The following MARCHF10 variants were observed in gnomAD, a reference collection of about 807,000 sequenced individuals.
MARCHF10 encodes the protein membrane associated ring-CH-type finger 10.
Under a neutral mutation model 76.2 loss-of-function variants are expected in MARCHF10, and 64 were observed. The ratio of observed to expected loss-of-function variants is 0.84; its 90% CI spans 0.69 to 1.03. The LOEUF (loss-of-function observed/expected upper bound fraction) is 1.03, where lower values mean the gene tolerates loss of function less well. Ranked by LOEUF, MARCHF10 falls within the 50% of genes least tolerant of loss-of-function variation. The pLI is 0.00. For synonymous variants in MARCHF10, 340 were observed against 357.5 expected, an observed-to-expected ratio of 0.95 and a Z score of 0.55; for missense variants, 875 against 958.0, an observed-to-expected ratio of 0.91 and a Z score of 1.14.
chr17:62,803,808 G>C (rs1051123152), intron 1 of MARCHF10, among the ~76,000 whole-genome samples: 1 of 152,108 alleles, frequency 6.6e-6, no homozygotes, highest in South Asian at 2.1e-4. Context: ...AAGCTACTGC[G>C]CCCGGCCCAT....
intron 9 of MARCHF10, among the ~76,000 whole-genome samples, chr17:62,710,677 A>G (rs113370915): frequency 3.3e-5 from 5 of 150,538 alleles, no homozygotes; most frequent in Non-Finnish European, 4.4e-5. Context: ...TCCTGCCTCA[A>G]CCTCCCAAGT....
intron 5 of MARCHF10, among the ~76,000 whole-genome samples, chr17:62,739,555 A>T (rs1264005066): frequency 4.6e-5 from 7 of 151,762 alleles, no homozygotes; most frequent in African/African-American, 1.7e-4. Flanking sequence ...CTAATTTTGT[A>T]TTTTTAGTAG....
chr17:62,782,933 C>T (rs924262709), intron 3 of MARCHF10, among the ~76,000 whole-genome samples: 1 of 152,078 alleles, frequency 6.6e-6, no homozygotes. Flanking sequence ...TCCAGTATCC[C>T]CCAAAGAATA....
chr17:62,741,015 A>G (rs2091485246), intron 5 of MARCHF10, among the ~76,000 whole-genome samples: 1 of 152,200 alleles, frequency 6.6e-6, no homozygotes, highest in African/African-American at 2.4e-5. Flanking sequence ...CCCGTTATGC[A>G]TCTGTCCTGC....
At position 62,788,533 on chromosome 17, in the gene MARCHF10, G is replaced by A. The variant is rs201414224; in HGVS notation, c.157C>T (p.Gln53Ter). ...NEKKRDQFWG[Q>*]ETSFERSRFS... The stretch of plus-strand genomic sequence containing the variant: ...CGGGATCTCTCAAAACTTGTCTCTT[G>A]CCCCCAAAACTGATCGCGTTTCTTC... The change falls in exon 3 of 11, where the codon CAA (glutamine) becomes TAA (stop). Residue 53 changes from glutamine (Q) to a stop codon, truncating the protein, a stop_gained. Transcript: ENST00000311269. LOFTEE classifies it high-confidence loss of function. 4.3e-6 allele frequency: 7 copies of A among 1,613,930 alleles called. No homozygotes were observed. Among genetic ancestry groups the A allele is most frequent in the East Asian group, 2.2e-5 (1 of 44,884 alleles).
At chr17:62,745,984 T>C (rs1000532073) in intron 4 of MARCHF10, among the ~76,000 whole-genome samples, 3 of 152,166 alleles carry the variant, frequency 2.0e-5, no homozygotes, top group African/African-American at 4.8e-5. Flanking sequence ...GCTGGTAACA[T>C]AGGGATAAAG....
chr17:62,701,630 G>A lies in MARCHF10; in HGVS notation c.*73C>T, dbSNP rs774977033. ...AGTTTCAGTAAAGAGGAGGAGGGAG[G>A]GAGGCACTTGGGGACGTAGAAAGAA... On this transcript the variant is annotated 3_prime_UTR_variant, in exon 11 of 11. Coordinates refer to ENST00000311269, the MANE Select transcript of MARCHF10 (RefSeq NM_152598.4). 1 of 1,611,376 alleles carries A rather than the reference G, an allele frequency of 6.2e-7. No individual in the cohort carries two copies. The highest frequency in any genetic ancestry group is 1.7e-5 in the Admixed American group (1 of 60,018).
chr17:62,760,740 T>C (rs2147953331), intron 3 of MARCHF10, among the ~76,000 whole-genome samples: 1 of 152,344 alleles, frequency 6.6e-6, no homozygotes, highest in African/African-American at 2.4e-5. Flanking sequence ...GTGATTTAAG[T>C]ACAGCCTGAT....
At chr17:62,727,284 T>A (rs899119220) in intron 6 of MARCHF10, among the ~76,000 whole-genome samples, 7 of 152,160 alleles carry the variant, frequency 4.6e-5, no homozygotes, top group African/African-American at 1.7e-4. Flanking sequence ...AAATTTTTTT[T>A]AACAAATAAA....
intron 4 of MARCHF10, among the ~76,000 whole-genome samples, chr17:62,747,636 A>G (rs2091751542): frequency 6.6e-6 from 1 of 152,216 alleles, no homozygotes; most frequent in East Asian, 1.9e-4. Context: ...CTTCTACTGT[A>G]AAGAATACTA....
chr17:62,742,373 G>A (rs1056982096), intron 5 of MARCHF10, among the ~76,000 whole-genome samples: 8 of 152,078 alleles, frequency 5.3e-5, no homozygotes, highest in Admixed American at 5.2e-4. Context: ...ATTTGTGAGA[G>A]CTTTCTGCAT....
At chr17:62,758,256 C>T (rs1024300100) in intron 4 of MARCHF10, among the ~76,000 whole-genome samples, 1 of 151,904 alleles carries the variant, frequency 6.6e-6, no homozygotes, top group Non-Finnish European at 1.5e-5. Context: ...AAAAATTACC[C>T]GGAAATCGCT....
chr17:62,799,746 CAA>C (rs1304992460), intron 2 of MARCHF10, among the ~76,000 whole-genome samples: 45 of 109,584 alleles, frequency 4.1e-4, no homozygotes, highest in Admixed American at 5.9e-4. Context: ...AACTCTGTCT[CAA>C]AAAAAAAAAA....
chr17:62,806,951 T>C (rs573698428), intron 1 of MARCHF10, among the ~76,000 whole-genome samples: 1 of 152,360 alleles, frequency 6.6e-6, no homozygotes, highest in African/African-American at 2.4e-5. Flanking sequence ...TCACTAAAGT[T>C]AATATGCTGT....
intron 9 of MARCHF10, among the ~76,000 whole-genome samples, chr17:62,710,550 CTTTTTTTTT>C (rs552647502): frequency 1.1e-5 from 1 of 88,620 alleles, no homozygotes; most frequent in African/African-American, 5.1e-5. Context: ...TTGAACCCAG[CTTTTTTTTT>C]TTTTTTTTTT....
chr17:62,747,598 T>C (rs1238650279), intron 4 of MARCHF10, among the ~76,000 whole-genome samples: 2 of 152,246 alleles, frequency 1.3e-5, no homozygotes, highest in Non-Finnish European at 2.9e-5. Context: ...AACTGGTTCA[T>C]GCTAGGTGCT....
At chr17:62,720,930 C>A (rs908201295) in intron 8 of MARCHF10, among the ~76,000 whole-genome samples, 3 of 135,526 alleles carry the variant, frequency 2.2e-5, no homozygotes. Context: ...TGCAGTGGTG[C>A]GATCTCGGCT....
chr17:62,722,635 TGGG>T, intron 7 of MARCHF10, 38 bp from the exon 8 acceptor site: 1 of 1,546,642 alleles, frequency 6.5e-7, no homozygotes, highest in Non-Finnish European at 8.8e-7. Context: ...CATATAACCA[TGGG>T]TCTGTTTGTG....
At chr17:62,725,869 A>T (rs1185651996) in intron 6 of MARCHF10, among the ~76,000 whole-genome samples, 1 of 152,182 alleles carries the variant, frequency 6.6e-6, no homozygotes, top group Admixed American at 6.5e-5. Flanking sequence ...CATCTGTACA[A>T]TGAGGGTCAT....
Sources: gnomAD v4.1 joint callset for allele counts (sites outside exome capture counted in the v4.1 genomes callset) on GRCh38, gnomAD v4.1.1 for gene constraint, MANE v1.5 for transcripts, NCBI Gene and HGNC (gene_info 2026-07-23, HGNC 2026-07-21) for gene names.